ZGRF1: variants seen among roughly 807,000 people sequenced by gnomAD.
The protein encoded by ZGRF1 is zinc finger GRF-type containing 1, also known as 5'-3' DNA helicase ZGRF1.
Under a neutral mutation model 203.5 loss-of-function variants are expected in ZGRF1, and 196 were observed. That is an observed-to-expected ratio of 0.96 (90% confidence interval 0.86 to 1.08). The LOEUF (loss-of-function observed/expected upper bound fraction) is 1.08. Among genes scored for constraint, ZGRF1 ranks in the 50% least tolerant of loss-of-function variants. The pLI, the probability that ZGRF1 is intolerant of heterozygous loss-of-function variation, is 0.00. For synonymous variants in ZGRF1, 809 were observed against 841.3 expected, an observed-to-expected ratio of 0.96 and a Z score of 0.66; for missense variants, 2,326 against 2,416.3, an observed-to-expected ratio of 0.96 and a Z score of 0.78.
intron 1 of ZGRF1, among the ~76,000 whole-genome samples, chr4:112,634,835 A>C (rs1372414352): frequency 6.6e-6 from 1 of 152,130 alleles, no homozygotes; most frequent in African/African-American, 2.4e-5. Flanking sequence ...ACTGCCTTTC[A>C]GAAATATAAC....
At chr4:112,565,184 T>C in intron 16 of ZGRF1, 5 of 1,532,000 alleles carry the variant, frequency 3.3e-6, no homozygotes, top group Admixed American at 3.3e-5. Context: ...ATTCGCTAAC[T>C]TCCCTTCCAG....
chr4:112,622,562 C>G (rs2047097901), intron 4 of ZGRF1, among the ~76,000 whole-genome samples: 2 of 142,566 alleles, frequency 1.4e-5, no homozygotes, highest in African/African-American at 2.5e-5. Context: ...CTAACTAAAA[C>G]TGCTAGGCAC....
At position 112,558,242 on chromosome 4, in the gene ZGRF1, T is replaced by C; in HGVS notation, c.5028A>G (p.Glu1676=). Reference sequence around the variant, plus strand: ...TTCCAATGGTGGGAGCTTCACTCTTTTCAAACAGCTGTACAAAGAACAAAA... The same window carrying C: ...TTCCAATGGTGGGAGCTTCACTCTTCTCAAACAGCTGTACAAAGAACAAAA... ...VVILFFVQLF[E]KSEAPTIGNA... Residue 1676 remains glutamate, a synonymous_variant, in exon 20 of 28, where the codon GAA becomes GAG. Coordinates refer to ENST00000505019, the MANE Select transcript of ZGRF1 (RefSeq NM_018392.5). 6.2e-7 allele frequency: 1 copy of C among 1,605,586 alleles called. No homozygotes were observed. The highest frequency in any genetic ancestry group is 8.5e-7 in the Non-Finnish European group (1 of 1,176,486).
intron 6 of ZGRF1, 119 bp downstream of exon 6, chr4:112,617,321 G>A (rs925842839): frequency 1.5e-6 from 1 of 674,580 alleles, no homozygotes; most frequent in East Asian, 2.9e-5. Context: ...CCAAGTACAT[G>A]TATTACCTAT....
chr4:112,575,332 T>C (rs905487030), intron 16 of ZGRF1, among the ~76,000 whole-genome samples: 21 of 152,164 alleles, frequency 1.4e-4, no homozygotes, highest in African/African-American at 4.6e-4. Context: ...AGCTCCAGTC[T>C]ACAGCTCCCA....
intron 1 of ZGRF1, among the ~76,000 whole-genome samples, chr4:112,634,765 G>A (rs2047527185): frequency 6.6e-6 from 1 of 152,180 alleles, no homozygotes; most frequent in South Asian, 2.1e-4. Context: ...GTATGCAAAT[G>A]AGATATGCAT....
At chr4:112,627,345 T>C (rs1476974962) in intron 3 of ZGRF1, among the ~76,000 whole-genome samples, 1 of 152,206 alleles carries the variant, frequency 6.6e-6, no homozygotes, top group Non-Finnish European at 1.5e-5. Flanking sequence ...CCTCCATTAA[T>C]TTTTGTCTAG....
In ZGRF1 at chr4:112,618,745, T is replaced by A. The variant is rs76469954; in HGVS notation, c.1297A>T (p.Ile433Phe). Residue 433 changes from isoleucine (I) to phenylalanine (F), a missense_variant, in exon 6 of 28, where the codon ATT (isoleucine) becomes TTT (phenylalanine). Ile to Phe is a conservative substitution (Grantham distance 21). Coordinates refer to ENST00000505019, the MANE Select transcript of ZGRF1 (RefSeq NM_018392.5). ...AAAGGTATTTTATTATCTTCTTGAATGTCAGATTCTGATAATATACCATCA... is the reference window on the plus strand; with the variant it reads ...AAAGGTATTTTATTATCTTCTTGAAAGTCAGATTCTGATAATATACCATCA... ...ENDGILSESDIQEDNKIPFNQ... is the reference protein window; with the variant it reads ...ENDGILSESDFQEDNKIPFNQ... 7.5e-4 allele frequency: 1,208 copies of A among 1,610,590 alleles called. 20 individuals are homozygous for A. The East Asian group carries it at 0.026, about 34-fold the overall frequency.
In ZGRF1 at chr4:112,562,405, C is replaced by T. The variant is rs1314718018; in HGVS notation, c.4663G>A (p.Ala1555Thr). ...LKNIQDYFNP[A>T]TLPLTQYLLT... is the part of the protein sequence containing the mutation. Reference sequence around the variant, plus strand: ...AGGTACTGTGTTAGAGGTAGAGTAGCTGGATTAAAGTAGTCCTGAATGTTT... The same window carrying T: ...AGGTACTGTGTTAGAGGTAGAGTAGTTGGATTAAAGTAGTCCTGAATGTTT... The change falls in exon 18 of 28, where the codon GCT becomes ACT. Residue 1555 changes from alanine to threonine, a missense_variant. Coordinates refer to ENST00000505019, the MANE Select transcript of ZGRF1 (RefSeq NM_018392.5). 8.7e-6 allele frequency: 14 copies of T among 1,608,914 alleles called. No individual in the cohort carries two copies. Among genetic ancestry groups the T allele is most frequent in the Non-Finnish European group, 1.2e-5 (14 of 1,177,262 alleles).
At position 112,583,027 on chromosome 4, in the gene ZGRF1, T is replaced by C. The variant is rs534038010; in HGVS notation, c.4298+951A>G. Reference sequence around the variant, plus strand: ...ACCCAAGAATGGGATTGCTGGATCATATGATAGTTCTATTTTTATTTTTTT... The same window carrying C: ...ACCCAAGAATGGGATTGCTGGATCACATGATAGTTCTATTTTTATTTTTTT... On this transcript the variant is annotated intron_variant, in intron 15 of 27. Transcript: ENST00000505019. Among the ~76,000 whole-genome samples the C allele has an allele frequency of 1.3e-3, 204 of 152,314 alleles. 1 individual carries two copies. The highest frequency in any genetic ancestry group is 4.7e-3 in the African/African-American group (197 of 41,572).
At chr4:112,595,619 T>A (rs184222248) in intron 10 of ZGRF1, among the ~76,000 whole-genome samples, 1 of 152,168 alleles carries the variant, frequency 6.6e-6, no homozygotes, top group Non-Finnish European at 1.5e-5. Flanking sequence ...TATCAAAATA[T>A]ATGTATGCCC....
At chr4:112,628,683 T>C (rs1331506377) in intron 3 of ZGRF1, 3 of 456,052 alleles carry the variant, frequency 6.6e-6, no homozygotes, top group African/African-American at 6.0e-5. Context: ...AACCTACTTG[T>C]GTGAGATATA....
chr4:112,611,879 A>G (rs1390383592), intron 7 of ZGRF1, among the ~76,000 whole-genome samples: 1 of 152,240 alleles, frequency 6.6e-6, no homozygotes, highest in Non-Finnish European at 1.5e-5. Context: ...GTAACAAGAA[A>G]TAAGGTGGTG....
At chr4:112,612,709 T>C in intron 6 of ZGRF1, 121 bp from the exon 7 acceptor site, 1 of 601,104 alleles carries the variant, frequency 1.7e-6, no homozygotes, top group East Asian at 3.0e-5. Context: ...ACAATCTTGG[T>C]AATTGTTCAA....
intron 11 of ZGRF1, 118 bp from the exon 12 acceptor site, chr4:112,588,047 A>C (rs961014249): frequency 5.7e-6 from 3 of 523,932 alleles, no homozygotes; most frequent in Non-Finnish European, 8.7e-6. Flanking sequence ...AAAAAAAATC[A>C]CATTATTTTA....
At chr4:112,540,762 T>C (rs1471083038) in intron 26 of ZGRF1, 59 bp downstream of exon 26, 14 of 1,352,576 alleles carry the variant, frequency 1.0e-5, no homozygotes, top group Admixed American at 6.6e-5. Flanking sequence ...ATATCAAATA[T>C]GGTAATATGT....
In ZGRF1 at chr4:112,562,040, G is replaced by T. The variant is rs1578727828; in HGVS notation, c.4697+331C>A. On this transcript the variant is annotated intron_variant, in intron 18 of 27. Coordinates refer to ENST00000505019, the MANE Select transcript of ZGRF1 (RefSeq NM_018392.5). Reference sequence around the variant, plus strand: ...TTCTCCTGCCTCAGCCTCCCGAATAGCTGTGATTACAGGCATGCGCCAGTA... The same window carrying T: ...TTCTCCTGCCTCAGCCTCCCGAATATCTGTGATTACAGGCATGCGCCAGTA... Among the ~76,000 whole-genome samples, 3 of 149,766 alleles carry T rather than the reference G, an allele frequency of 2.0e-5. No homozygotes were observed. The Admixed American group carries it at 2.0e-4, about 10-fold the overall frequency.
chr4:112,551,671 T>C (rs774777412), intron 22 of ZGRF1, among the ~76,000 whole-genome samples: 2 of 152,180 alleles, frequency 1.3e-5, no homozygotes, highest in Non-Finnish European at 2.9e-5. Flanking sequence ...TCTTTAAAAA[T>C]GATCAAGCTT....
rs189390836 is a variant in ZGRF1 at position 112,631,488 on chromosome 4, G to T, written c.102+442C>A. 1.3e-4 allele frequency among the ~76,000 whole-genome samples: 20 copies of T among 152,158 alleles called. No homozygotes were observed. In the East Asian group the frequency reaches 3.9e-3, roughly 30 times the overall value. ...AGTTCGAGACAAGCCTGGGAAACAT[G>T]GTGAAACCCCGTCTCTACTAAAAAT... On this transcript the variant is annotated intron_variant, in intron 3 of 27. Transcript: ENST00000505019.
Sources: allele counts gnomAD v4.1 joint callset (sites outside exome capture counted in the v4.1 genomes callset), GRCh38; gene constraint gnomAD v4.1.1; transcripts MANE v1.5; gene names NCBI Gene and HGNC (gene_info 2026-07-23, HGNC 2026-07-21).